PCDH15: variants seen among roughly 807,000 people sequenced by gnomAD.
PCDH15 encodes the protein protocadherin related 15, also known as protocadherin-15.
Under a neutral mutation model 178.5 loss-of-function variants are expected in PCDH15, and 129 were observed. That is an observed-to-expected ratio of 0.72 (90% CI 0.63 to 0.84). The LOEUF (loss-of-function observed/expected upper bound fraction) is 0.84, where lower values mean the gene tolerates loss of function less well. Among genes scored for constraint, PCDH15 ranks in the 40% least tolerant of loss-of-function variants. The pLI is 0.00. For synonymous variants in PCDH15, 800 were observed against 732.0 expected, an observed-to-expected ratio of 1.09 and a Z score of -1.50; for missense variants, 2,230 against 2,099.9, an observed-to-expected ratio of 1.06 and a Z score of -1.21.
intron 2 of PCDH15, among the ~76,000 whole-genome samples, chr10:54,569,146 A>G (rs866571587): frequency 6.6e-6 from 1 of 152,146 alleles, no homozygotes; most frequent in Middle Eastern, 3.4e-3. Context: ...AAAAAACTAC[A>G]TATGCTAATA....
At chr10:55,366,618 C>T (rs564010051) in intron 2 of PCDH15, among the ~76,000 whole-genome samples, 125 of 152,226 alleles carry the variant, frequency 8.2e-4, no homozygotes, top group African/African-American at 2.2e-3. Flanking sequence ...AATACTTCGA[C>T]AGAAGTTAAC....
rs976553672 is a variant in PCDH15 at position 55,439,607 on chromosome 10, A to T, written c.-156+188018T>A. On this transcript the variant is annotated intron_variant, in intron 2 of 5. Coordinates refer to the PCDH15 transcript ENST00000613346. ...TGCAGTTTATGGCATTTTTTTTTTT[A>T]AATGATGAAAACCGCAATTACTTTT... Among the ~76,000 whole-genome samples, 10 of 149,942 alleles carry T rather than the reference A, an allele frequency of 6.7e-5. 1 individual carries two copies. The highest frequency in any genetic ancestry group is 1.2e-4 in the African/African-American group (5 of 40,982).
intron 13 of PCDH15, among the ~76,000 whole-genome samples, chr10:54,155,234 T>C (rs2044985334): frequency 6.6e-6 from 1 of 152,042 alleles, no homozygotes; most frequent in African/African-American, 2.4e-5. Context: ...ATAAATGATG[T>C]TGGAAGGGAG....
At chr10:55,332,899 C>G (rs772295426) in intron 2 of PCDH15, among the ~76,000 whole-genome samples, 35 of 152,100 alleles carry the variant, frequency 2.3e-4, no homozygotes, top group Non-Finnish European at 4.6e-4. Flanking sequence ...TACCCTGAGT[C>G]AGGTGTGTCT....
chr10:54,891,782 G>C (rs1252535742), intron 3 of PCDH15, among the ~76,000 whole-genome samples: 4 of 152,118 alleles, frequency 2.6e-5, no homozygotes, highest in African/African-American at 9.7e-5. Context: ...TTTGTAGCAA[G>C]GACAGGTGGT....
chr10:55,084,756 T>C (rs1842125063), intron 2 of PCDH15, among the ~76,000 whole-genome samples: 1 of 151,936 alleles, frequency 6.6e-6, no homozygotes, highest in South Asian at 2.1e-4. Flanking sequence ...TGATTAAACA[T>C]TGGCTAAAGA....
chr10:53,934,115 A>G (rs1045194148), intron 25 of PCDH15, among the ~76,000 whole-genome samples: 1 of 151,050 alleles, frequency 6.6e-6, no homozygotes, highest in Non-Finnish European at 1.5e-5. Context: ...CTTTACAGTA[A>G]TGTGCTCTAA....
At chr10:54,598,753 C>T (rs776742816) in intron 2 of PCDH15, among the ~76,000 whole-genome samples, 1 of 152,098 alleles carries the variant, frequency 6.6e-6, no homozygotes, top group Non-Finnish European at 1.5e-5. Context: ...GCTCTGTAAG[C>T]TGACAAACAA....
intron 2 of PCDH15, among the ~76,000 whole-genome samples, chr10:55,097,243 G>A (rs1320937043): frequency 4.0e-5 from 6 of 151,856 alleles, no homozygotes; most frequent in African/African-American, 1.5e-4. Flanking sequence ...ATCCTGTCAC[G>A]GTGCAAAACA....
At chr10:54,871,345 G>T (rs1447881099) in intron 3 of PCDH15, among the ~76,000 whole-genome samples, 1 of 150,730 alleles carries the variant, frequency 6.6e-6, no homozygotes, top group Non-Finnish European at 1.5e-5. Flanking sequence ...AGATAATGAG[G>T]TTCTCATATA....
chr10:54,841,619 A>G (rs1953419306), intron 3 of PCDH15, among the ~76,000 whole-genome samples: 1 of 151,810 alleles, frequency 6.6e-6, no homozygotes, highest in African/African-American at 2.4e-5. Context: ...ATATATTTCA[A>G]TAAAGCTGGT....
At chr10:54,179,688 T>G (rs1227243028) in intron 13 of PCDH15, among the ~76,000 whole-genome samples, 1 of 152,190 alleles carries the variant, frequency 6.6e-6, no homozygotes. Context: ...TTTCAATTTC[T>G]TAAATAAAAT....
chr10:54,050,603 A>T (rs984580341), intron 18 of PCDH15, among the ~76,000 whole-genome samples: 1 of 152,050 alleles, frequency 6.6e-6, no homozygotes, highest in Non-Finnish European at 1.5e-5. Flanking sequence ...TTTGCTAGAC[A>T]TAAGGGGTTT....
intron 15 of PCDH15, among the ~76,000 whole-genome samples, chr10:54,120,843 G>C (rs2095205911): frequency 6.6e-6 from 1 of 152,074 alleles, no homozygotes; most frequent in African/African-American, 2.4e-5. Flanking sequence ...ATAACAGTGA[G>C]GGAGATCAAG....
At chr10:54,464,446 G>A (rs1458830986) in intron 3 of PCDH15, among the ~76,000 whole-genome samples, 2 of 152,140 alleles carry the variant, frequency 1.3e-5, no homozygotes, top group Admixed American at 6.5e-5. Flanking sequence ...TTTAAGCATT[G>A]AGAGGAACTA....
chr10:53,915,038 C>T (rs1453134531), intron 25 of PCDH15, among the ~76,000 whole-genome samples: 1 of 152,092 alleles, frequency 6.6e-6, no homozygotes. Context: ...AATGCTTAAG[C>T]TGTTCTTACT....
At chr10:55,091,281 A>C (rs1564790197) in intron 2 of PCDH15, among the ~76,000 whole-genome samples, 1 of 151,968 alleles carries the variant, frequency 6.6e-6, no homozygotes, top group African/African-American at 2.4e-5. Flanking sequence ...TGAATACTGA[A>C]AATTATCTTT....
At chr10:55,585,187 G>A (rs1248004099) in intron 2 of PCDH15, among the ~76,000 whole-genome samples, 1 of 152,000 alleles carries the variant, frequency 6.6e-6, no homozygotes, top group Non-Finnish European at 1.5e-5. Context: ...CGGGATTACT[G>A]GGGATTGTTT....
chr10:54,593,075 ATAT>A (rs1216410244), intron 2 of PCDH15, among the ~76,000 whole-genome samples: 1 of 152,034 alleles, frequency 6.6e-6, no homozygotes, highest in Non-Finnish European at 1.5e-5. Flanking sequence ...TATATTTTGA[ATAT>A]TACCTTTTAT....
Sources: allele counts gnomAD v4.1 joint callset (sites outside exome capture counted in the v4.1 genomes callset), GRCh38; gene constraint gnomAD v4.1.1; transcripts MANE v1.5; gene names NCBI Gene and HGNC (gene_info 2026-07-23, HGNC 2026-07-21).